RBFOX1: variants seen among roughly 807,000 people sequenced by gnomAD.
RBFOX1 encodes RNA binding fox-1 homolog 1, also known as RNA binding protein fox-1 homolog 1.
A neutral mutation model predicts 57.7 loss-of-function variants in RBFOX1; 8 were observed. The ratio of observed to expected loss-of-function variants is 0.14; its 90% CI spans 0.08 to 0.25. The LOEUF is 0.25. Ranked by LOEUF, RBFOX1 falls within the 10% of genes least tolerant of loss-of-function variation. RBFOX1 has a pLI of 1.00. For missense variants in RBFOX1, 611 were observed against 548.5 expected (o/e 1.11, Z -1.14); for synonymous variants, 326 against 222.4 (o/e 1.47, Z -4.15).
At chr16:7,504,753 A>ATATATATT (rs2072468430) in intron 4 of RBFOX1, among the ~76,000 whole-genome samples, 1 of 6,290 alleles carries the variant, frequency 1.6e-4, no homozygotes, top group Non-Finnish European at 5.4e-4. Context: ...ATATATATAT[A>ATATATATT]TTTATATATA....
rs559102725 is a variant in RBFOX1, at chr16:5,460,540, C to T, written c.220-6676C>T. Among the ~76,000 whole-genome samples the T allele has an allele frequency of 1.4e-4, 22 of 152,310 alleles. No homozygotes were observed. In the South Asian group the frequency reaches 4.6e-3, roughly 32 times the overall value. On this transcript the variant is annotated intron_variant, in intron 1 of 2. Coordinates refer to the RBFOX1 transcript ENST00000585867. The stretch of plus-strand genomic sequence containing the variant: ...AGGAGAAACACTTCTGTGCTACCCA[C>T]AGTCCTTGGGCAGCTGATGGTTGTA...
intron 3 of RBFOX1, among the ~76,000 whole-genome samples, chr16:5,747,495 C>G (rs144201448): frequency 6.6e-6 from 1 of 152,130 alleles, no homozygotes; most frequent in Admixed American, 6.5e-5. Context: ...TAGAATTCGG[C>G]TGTGAATCTG....
At chr16:7,487,342 C>A (rs2151418378) in intron 4 of RBFOX1, among the ~76,000 whole-genome samples, 1 of 152,286 alleles carries the variant, frequency 6.6e-6, no homozygotes, top group African/African-American at 2.4e-5. Flanking sequence ...ATACTCATCA[C>A]ATGTATGGGT....
chr16:7,156,535 A>G (rs1051824018), intron 4 of RBFOX1, among the ~76,000 whole-genome samples: 2 of 152,116 alleles, frequency 1.3e-5, no homozygotes, highest in Non-Finnish European at 2.9e-5. Context: ...ATATATGTGT[A>G]CATATGCATG....
chr16:5,506,495 A>G (rs1203770951), intron 2 of RBFOX1, among the ~76,000 whole-genome samples: 2 of 152,184 alleles, frequency 1.3e-5, no homozygotes, highest in Non-Finnish European at 2.9e-5. Flanking sequence ...CCCAGTGCAA[A>G]ATGAATATAA....
At chr16:7,035,774 C>T (rs1278360402) in intron 3 of RBFOX1, among the ~76,000 whole-genome samples, 1 of 152,048 alleles carries the variant, frequency 6.6e-6, no homozygotes, top group Non-Finnish European at 1.5e-5. Context: ...GGAATCTAGT[C>T]CTTCCAGTTA....
At chr16:6,403,697 G>C (rs1398925676) in intron 2 of RBFOX1, among the ~76,000 whole-genome samples, 2 of 152,062 alleles carry the variant, frequency 1.3e-5, no homozygotes, top group East Asian at 1.9e-4. Context: ...CTAATTATTG[G>C]ACCCTCAAGT....
intron 4 of RBFOX1, among the ~76,000 whole-genome samples, chr16:7,272,297 G>A (rs1246283320): frequency 6.6e-6 from 1 of 152,044 alleles, no homozygotes; most frequent in Non-Finnish European, 1.5e-5. Context: ...TGATTGTCCT[G>A]CCTCGGCCTC....
chr16:6,512,803 C>T (rs1441119915), intron 2 of RBFOX1, among the ~76,000 whole-genome samples: 1 of 152,136 alleles, frequency 6.6e-6, no homozygotes, highest in African/African-American at 2.4e-5. Flanking sequence ...TTGTCTTAGC[C>T]ACAGCCAAGC....
chr16:5,709,746 C>G (rs1231619744), intron 3 of RBFOX1, among the ~76,000 whole-genome samples: 8 of 132,344 alleles, frequency 6.0e-5, no homozygotes, highest in South Asian at 2.4e-4. Flanking sequence ...TCAATGAGAT[C>G]TTTACACCAA....
At position 7,058,180 on chromosome 16, in the gene RBFOX1, G is replaced by A. The variant is rs115027548; in HGVS notation, c.27+6082G>A. Among the ~76,000 whole-genome samples the A allele has an allele frequency of 4.9e-3, 749 of 152,086 alleles. 3 individuals are homozygous for A. Among genetic ancestry groups the A allele is most frequent in the African/African-American group, 0.017 (718 of 41,460 alleles). ...CGCACGTCTTACTCACAGCTTTCAGGCGAACACTAACTCATTAAGAAAGGG... is the reference window on the plus strand; with the variant it reads ...CGCACGTCTTACTCACAGCTTTCAGACGAACACTAACTCATTAAGAAAGGG... On this transcript the variant is annotated intron_variant, in intron 4 of 15. Coordinates refer to ENST00000550418, the MANE Select transcript of RBFOX1 (RefSeq NM_018723.4).
intron 3 of RBFOX1, among the ~76,000 whole-genome samples, chr16:6,863,752 T>TTTTTTA (rs2059425841): frequency 1.7e-5 from 2 of 119,878 alleles, no homozygotes; most frequent in African/African-American, 3.3e-5. Flanking sequence ...TTTTTTTTTT[T>TTTTTTA]ACCAAAACCA....
intron 10 of RBFOX1, among the ~76,000 whole-genome samples, chr16:7,618,835 C>T (rs967056471): frequency 3.9e-5 from 6 of 152,172 alleles, no homozygotes; most frequent in Non-Finnish European, 8.8e-5. Flanking sequence ...TCATCAGTGA[C>T]AGTTAATGCA....
intron 3 of RBFOX1, among the ~76,000 whole-genome samples, chr16:6,751,004 TAGAAAC>T (rs1295474975): frequency 6.6e-6 from 1 of 151,982 alleles, no homozygotes; most frequent in Non-Finnish European, 1.5e-5. Context: ...GAAGGATCAT[TAGAAAC>T]AGAAACAGCA....
At chr16:5,561,710 A>G (rs1471956586) in intron 2 of RBFOX1, among the ~76,000 whole-genome samples, 2 of 152,154 alleles carry the variant, frequency 1.3e-5, no homozygotes, top group Non-Finnish European at 2.9e-5. Context: ...TCTTATCTCC[A>G]GGAGGGTCCC....
chr16:6,587,183 C>G (rs1024657603), intron 2 of RBFOX1, among the ~76,000 whole-genome samples: 2 of 152,070 alleles, frequency 1.3e-5, no homozygotes, highest in African/African-American at 2.4e-5. Context: ...TCCCCAGCTC[C>G]CCTCTCTCCG....
intron 3 of RBFOX1, among the ~76,000 whole-genome samples, chr16:6,910,744 G>C (rs1185350421): frequency 1.3e-5 from 2 of 152,176 alleles, no homozygotes; most frequent in African/African-American, 2.4e-5. Context: ...GCGGAGAGGA[G>C]GCCTGGGAAG....
chr16:7,232,052 G>A (rs73543071), intron 4 of RBFOX1, among the ~76,000 whole-genome samples: 1,833 of 152,056 alleles, frequency 0.012, 39 homozygotes, highest in African/African-American at 0.042. Flanking sequence ...TTGAGACAGA[G>A]TCTCGGTCTG....
At chr16:7,089,876 C>A (rs986031536) in intron 4 of RBFOX1, among the ~76,000 whole-genome samples, 2 of 149,414 alleles carry the variant, frequency 1.3e-5, no homozygotes, top group South Asian at 2.1e-4. Context: ...CTCAAGTATT[C>A]TGTTTACATC....
Sources: gnomAD v4.1 joint callset for allele counts (sites outside exome capture counted in the v4.1 genomes callset) on GRCh38, gnomAD v4.1.1 for gene constraint, MANE v1.5 for transcripts, NCBI Gene and HGNC (gene_info 2026-07-23, HGNC 2026-07-21) for gene names.